IQCM: variants seen among roughly 807,000 people sequenced by gnomAD.
IQCM encodes the protein IQ domain-containing protein M.
In IQCM, 45 loss-of-function variants were observed where a neutral mutation model predicts 57.6. The observed-to-expected ratio is 0.78, with a 90% CI of 0.62 to 1.00. The LOEUF is 1.00. Among genes scored for constraint, IQCM ranks in the 50% least tolerant of loss-of-function variants. The pLI, the probability that IQCM is intolerant of heterozygous loss-of-function variation, is 0.00. For synonymous variants in IQCM, 148 were observed against 158.9 expected, an observed-to-expected ratio of 0.93 and a Z score of 0.51; for missense variants, 468 against 511.6, an observed-to-expected ratio of 0.91 and a Z score of 0.82.
At chr4:149,660,061 A>G (rs1760029562) in intron 7 of IQCM, among the ~76,000 whole-genome samples, 1 of 151,440 alleles carries the variant, frequency 6.6e-6, no homozygotes, top group Admixed American at 6.6e-5. Context: ...AAAATGGGAG[A>G]AAATTTTTGC....
At chr4:149,493,821 G>GA (rs956019427) in intron 12 of IQCM, among the ~76,000 whole-genome samples, 69 of 142,070 alleles carry the variant, frequency 4.9e-4, no homozygotes, top group South Asian at 4.6e-3. Context: ...TCACTGAGGA[G>GA]AAAAAAAAAA....
At chr4:149,390,585 G>A (rs1731780435) in intron 13 of IQCM, among the ~76,000 whole-genome samples, 1 of 151,836 alleles carries the variant, frequency 6.6e-6, no homozygotes, top group African/African-American at 2.4e-5. Context: ...GCTTTATCAG[G>A]TTGAAGAATT....
At chr4:149,766,280 G>A (rs1770047649) in intron 2 of IQCM, among the ~76,000 whole-genome samples, 1 of 152,110 alleles carries the variant, frequency 6.6e-6, no homozygotes, top group African/African-American at 2.4e-5. Flanking sequence ...TGAAGGGGCA[G>A]TCACATACTC....
At chr4:149,392,202 T>C (rs1312873710) in intron 13 of IQCM, among the ~76,000 whole-genome samples, 2 of 151,916 alleles carry the variant, frequency 1.3e-5, no homozygotes, top group Non-Finnish European at 2.9e-5. Context: ...TGGCAAAATA[T>C]TAACTATTAG....
At chr4:149,623,953 T>C (rs1325244237) in intron 7 of IQCM, among the ~76,000 whole-genome samples, 2 of 152,128 alleles carry the variant, frequency 1.3e-5, no homozygotes, top group Non-Finnish European at 1.5e-5. Flanking sequence ...GTGTTGAACA[T>C]AAAAAAATTT....
chr4:149,543,028 G>A (rs1019835871), intron 12 of IQCM, among the ~76,000 whole-genome samples: 29 of 151,590 alleles, frequency 1.9e-4, no homozygotes, highest in Middle Eastern at 6.8e-3. Flanking sequence ...AAAATAATGA[G>A]TAGAGAAAAA....
rs1305268226 is a variant in IQCM at position 149,620,160 on chromosome 4, AAC to A, written c.681+967_681+968del. 2.1e-5 allele frequency among the ~76,000 whole-genome samples: 3 copies of A among 141,914 alleles called. No individual in the cohort carries two copies. In the Admixed American group the frequency reaches 2.1e-4, roughly 10 times the overall value. The allele number at this position is 141,914 out of a possible 152,430, so 93.1% of individuals were successfully genotyped here. On this transcript the variant is annotated intron_variant, in intron 8 of 13. Transcript: ENST00000636793. ...CAACAGAGAGAGACTCCGTCTCAAA[AAC>A]AAAAAAAAAAGAAAAGAAGAAGAAG...
intron 8 of IQCM, among the ~76,000 whole-genome samples, chr4:149,606,902 C>T (rs1271785570): frequency 6.6e-6 from 1 of 152,036 alleles, no homozygotes; most frequent in African/African-American, 2.4e-5. Context: ...AGCACACATA[C>T]AACATCTAGC....
chr4:149,368,767 T>G (rs1161644065), intron 13 of IQCM, among the ~76,000 whole-genome samples: 3 of 118,906 alleles, frequency 2.5e-5, no homozygotes, highest in Non-Finnish European at 5.5e-5. Context: ...TATATATATA[T>G]ATACATATAT....
At chr4:149,491,675 G>T (rs1742111303) in intron 12 of IQCM, among the ~76,000 whole-genome samples, 1 of 152,050 alleles carries the variant, frequency 6.6e-6, no homozygotes, top group South Asian at 2.1e-4. Flanking sequence ...TACTTAGGTT[G>T]ATTCTATATC....
chr4:149,450,631 G>C (rs572001121), intron 12 of IQCM, among the ~76,000 whole-genome samples: 2 of 151,892 alleles, frequency 1.3e-5, no homozygotes, highest in East Asian at 3.9e-4. Context: ...GTGATCATCA[G>C]AGAAATGTAA....
chr4:149,593,180 G>C (rs1753381669), intron 8 of IQCM, among the ~76,000 whole-genome samples: 1 of 152,016 alleles, frequency 6.6e-6, no homozygotes, highest in Non-Finnish European at 1.5e-5. Flanking sequence ...CATATCCCTT[G>C]TAATTGGATT....
At chr4:149,607,997 A>G (rs1754947481) in intron 8 of IQCM, among the ~76,000 whole-genome samples, 1 of 151,970 alleles carries the variant, frequency 6.6e-6, no homozygotes, top group Admixed American at 6.6e-5. Context: ...GATTTAAAAA[A>G]CAAGAGCCAA....
intron 5 of IQCM, among the ~76,000 whole-genome samples, chr4:149,726,336 A>G (rs1765943941): frequency 6.6e-6 from 1 of 152,076 alleles, no homozygotes; most frequent in South Asian, 2.1e-4. Context: ...CACCTGCTCT[A>G]TCAATCCACC....
intron 12 of IQCM, among the ~76,000 whole-genome samples, chr4:149,494,806 T>C (rs1742479345): frequency 6.6e-6 from 1 of 152,054 alleles, no homozygotes; most frequent in Non-Finnish European, 1.5e-5. Context: ...AAGGGGAACA[T>C]ATATTATTCA....
At chr4:149,467,090 T>C (rs1267093285) in intron 12 of IQCM, among the ~76,000 whole-genome samples, 1 of 152,176 alleles carries the variant, frequency 6.6e-6, no homozygotes, top group African/African-American at 2.4e-5. Flanking sequence ...ACAAATTTAA[T>C]AATTAGTAAT....
At chr4:149,708,631 A>G (rs976147533) in intron 5 of IQCM, among the ~76,000 whole-genome samples, 1 of 151,996 alleles carries the variant, frequency 6.6e-6, no homozygotes, top group African/African-American at 2.4e-5. Context: ...CCAGTGAGGT[A>G]AACAGCTCTT....
intron 12 of IQCM, among the ~76,000 whole-genome samples, chr4:149,547,165 G>A (rs1279885245): frequency 6.6e-6 from 1 of 152,116 alleles, no homozygotes; most frequent in Non-Finnish European, 1.5e-5. Context: ...GCTCTGTTCT[G>A]TTCCATTGGT....
intron 2 of IQCM, among the ~76,000 whole-genome samples, chr4:149,813,108 A>G (rs1443360837): frequency 1.3e-5 from 2 of 152,124 alleles, no homozygotes; most frequent in Middle Eastern, 3.2e-3. Flanking sequence ...CTTCACAAAA[A>G]AAGCATTCTT....
Sources: gnomAD v4.1 joint callset for allele counts (sites outside exome capture counted in the v4.1 genomes callset) on GRCh38, gnomAD v4.1.1 for gene constraint, MANE v1.5 for transcripts, NCBI Gene and HGNC (gene_info 2026-07-23, HGNC 2026-07-21) for gene names.